The following AFF3 variants were observed in gnomAD, a reference collection of about 807,000 sequenced individuals.
AFF3 encodes the protein AF4/FMR2 family member 3.
Under a neutral mutation model 129.7 loss-of-function variants are expected in AFF3, and 32 were observed. That is an observed-to-expected ratio of 0.25 (90% confidence interval 0.19 to 0.33). The LOEUF (loss-of-function observed/expected upper bound fraction) is 0.33, where lower values mean the gene tolerates loss of function less well. Ranked by LOEUF, AFF3 falls within the 10% of genes least tolerant of loss-of-function variation. The pLI is 1.00. For synonymous variants in AFF3, 644 were observed against 635.4 expected (o/e 1.01, Z -0.20); for missense variants, 1,373 against 1,592.0 (o/e 0.86, Z 2.34).
intron 7 of AFF3, among the ~76,000 whole-genome samples, chr2:99,942,984 G>A (rs536245998): frequency 6.6e-5 from 10 of 152,200 alleles, no homozygotes; most frequent in Non-Finnish European, 1.3e-4. Flanking sequence ...TTCCTTCTGC[G>A]TTAGAGAAAA....
intron 7 of AFF3, among the ~76,000 whole-genome samples, chr2:99,857,269 A>G (rs1335364311): frequency 2.6e-5 from 4 of 152,242 alleles, no homozygotes; most frequent in Non-Finnish European, 5.9e-5. Flanking sequence ...CAGGCACAAC[A>G]GAGAGAATCA....
chr2:99,717,105 T>C (rs1241320322), intron 11 of AFF3, among the ~76,000 whole-genome samples: 1 of 152,226 alleles, frequency 6.6e-6, no homozygotes, highest in African/African-American at 2.4e-5. Context: ...TATTCCATTG[T>C]ATGAATATAC....
At chr2:99,691,412 T>C (rs882855) in intron 11 of AFF3, among the ~76,000 whole-genome samples, 100,434 of 152,030 alleles carry the variant, frequency 0.66, 33,445 homozygotes, top group East Asian at 0.77. Context: ...GCTGATGCTA[T>C]TGTGCCCTTG....
intron 4 of AFF3, among the ~76,000 whole-genome samples, chr2:100,025,434 T>C (rs1305029232): frequency 6.6e-6 from 1 of 152,206 alleles, no homozygotes; most frequent in Non-Finnish European, 1.5e-5. Flanking sequence ...CCCATGCTCA[T>C]GGATGGGTAG....
chr2:100,000,404 C>T lies in AFF3; in HGVS notation c.873+6228G>A, dbSNP rs189846401. On this transcript the variant is annotated intron_variant, in intron 7 of 24. Transcript: ENST00000672756. ...GCATCAAATAAGGAAGAATTACGCT[C>T]ACTACTCAGGATTTGTGATATTAAT... Among the ~76,000 whole-genome samples the T allele has an allele frequency of 3.9e-5, 6 of 152,204 alleles. No homozygotes were observed. The East Asian group carries it at 1.2e-3, about 29-fold the overall frequency.
At chr2:99,965,711 C>T (rs1341160005) in intron 7 of AFF3, among the ~76,000 whole-genome samples, 1 of 152,190 alleles carries the variant, frequency 6.6e-6, no homozygotes, top group East Asian at 1.9e-4. Flanking sequence ...GGTGGCAAAA[C>T]TAGCCTTCTG....
At chr2:100,087,703 A>G (rs1689556277) in intron 4 of AFF3, among the ~76,000 whole-genome samples, 1 of 151,976 alleles carries the variant, frequency 6.6e-6, no homozygotes, top group South Asian at 2.1e-4. Flanking sequence ...AGAAGAAAAT[A>G]GGCAACTGTT....
At chr2:99,822,288 T>A (rs547335481) in intron 8 of AFF3, among the ~76,000 whole-genome samples, 1 of 124,496 alleles carries the variant, frequency 8.0e-6, no homozygotes, top group South Asian at 2.5e-4. Flanking sequence ...TGTGGGAAGA[T>A]GAGTTTTCCC....
intron 7 of AFF3, among the ~76,000 whole-genome samples, chr2:100,004,665 A>G (rs1426404092): frequency 6.6e-6 from 1 of 152,154 alleles, no homozygotes; most frequent in East Asian, 1.9e-4. Context: ...CTTCTCTTGG[A>G]ATACTGTCAA....
intron 9 of AFF3, among the ~76,000 whole-genome samples, chr2:99,744,615 T>G (rs1257335904): frequency 6.6e-6 from 1 of 152,220 alleles, no homozygotes; most frequent in Non-Finnish European, 1.5e-5. Flanking sequence ...ATTCTGGATA[T>G]TTCATATAAA....
chr2:99,901,685 TA>T (rs1403589886), intron 7 of AFF3, among the ~76,000 whole-genome samples: 23 of 152,190 alleles, frequency 1.5e-4, no homozygotes, highest in African/African-American at 5.5e-4. Context: ...GTTGCTGCAG[TA>T]CTGAGTCTAG....
intron 11 of AFF3, among the ~76,000 whole-genome samples, chr2:99,718,400 G>GT (rs1469825524): frequency 6.6e-6 from 1 of 152,028 alleles, no homozygotes; most frequent in Non-Finnish European, 1.5e-5. Context: ...CAGTTTTTAT[G>GT]TTTTTTATGT....
At chr2:99,620,062 C>CCCTCA (rs1681839707) in intron 13 of AFF3, among the ~76,000 whole-genome samples, 1 of 152,158 alleles carries the variant, frequency 6.6e-6, no homozygotes, top group African/African-American at 2.4e-5. Flanking sequence ...TGCAGAAGGC[C>CCCTCA]TGCTCCAGTA....
In AFF3 at chr2:99,803,434, T is replaced by A. The variant is rs546271298; in HGVS notation, c.921+34043A>T. On this transcript the variant is annotated intron_variant, in intron 8 of 24. Transcript: ENST00000672756. Reference sequence around the variant, plus strand: ...AAACACTACTGAAAGAAATAATAGATGACACAAAGAAATGGAAATACATCC... The same window carrying A: ...AAACACTACTGAAAGAAATAATAGAAGACACAAAGAAATGGAAATACATCC... 1.1e-4 allele frequency among the ~76,000 whole-genome samples: 16 copies of A among 152,168 alleles called. No homozygotes were observed. In the East Asian group the frequency reaches 1.4e-3, roughly 13 times the overall value.
In AFF3 at chr2:99,939,239, T is replaced by A. The variant is rs114256373; in HGVS notation, c.873+67393A>T. Reference sequence around the variant, plus strand: ...CCTGGAAGGACTATCCTGTTTCATCTTTGTTCCATAAATCCACTGGCAGAA... The same window carrying A: ...CCTGGAAGGACTATCCTGTTTCATCATTGTTCCATAAATCCACTGGCAGAA... On this transcript the variant is annotated intron_variant, in intron 7 of 24. Transcript: ENST00000672756. Among the ~76,000 whole-genome samples, 675 of 152,382 alleles carry A rather than the reference T, an allele frequency of 4.4e-3. 7 individuals carry two copies. Among genetic ancestry groups the A allele is most frequent in the African/African-American group, 0.015 (632 of 41,596 alleles).
At chr2:99,938,006 T>G (rs1341331015) in intron 7 of AFF3, among the ~76,000 whole-genome samples, 1 of 152,194 alleles carries the variant, frequency 6.6e-6, no homozygotes, top group African/African-American at 2.4e-5. Context: ...ATGTGGATCC[T>G]GGCTCCATCA....
intron 16 of AFF3, 144 bp downstream of exon 16, chr2:99,587,010 G>A: frequency 9.4e-7 from 1 of 1,067,246 alleles, no homozygotes; most frequent in South Asian, 1.5e-5. Context: ...ATAATAATAA[G>A]ATTTGGGTTA....
At chr2:99,640,081 A>G (rs1684050951) in intron 13 of AFF3, among the ~76,000 whole-genome samples, 1 of 152,208 alleles carries the variant, frequency 6.6e-6, no homozygotes, top group African/African-American at 2.4e-5. Context: ...TGGGACCCAA[A>G]GACCCACAGT....
chr2:100,104,698 A>G (rs1315781794), intron 3 of AFF3, 180 bp from the exon 4 acceptor site: 107 of 943,434 alleles, frequency 1.1e-4, no homozygotes, highest in Non-Finnish European at 1.3e-4. Context: ...AGGCACACTC[A>G]AGAGAGAGCA....
Sources: allele counts gnomAD v4.1 joint callset (sites outside exome capture counted in the v4.1 genomes callset), GRCh38; gene constraint gnomAD v4.1.1; transcripts MANE v1.5; gene names NCBI Gene and HGNC (gene_info 2026-07-23, HGNC 2026-07-21).